Variants in RARB observed in about 807,000 individuals in gnomAD.
RARB encodes the protein HBV-activated protein.
Under a neutral mutation model 51.9 loss-of-function variants are expected in RARB, and 17 were observed. The ratio of observed to expected loss-of-function variants is 0.33; its 90% CI spans 0.22 to 0.49. The LOEUF (loss-of-function observed/expected upper bound fraction) is 0.49. Among genes scored for constraint, RARB ranks in the 20% least tolerant of loss-of-function variants. The pLI, the probability that RARB is intolerant of heterozygous loss-of-function variation, is 0.99. For synonymous variants in RARB, 215 were observed against 195.4 expected, an observed-to-expected ratio of 1.10 and a Z score of -0.84; for missense variants, 369 against 550.8, an observed-to-expected ratio of 0.67 and a Z score of 3.30.
At chr3:25,116,942 G>C (rs1699697118) in intron 3 of RARB, among the ~76,000 whole-genome samples, 1 of 152,110 alleles carries the variant, frequency 6.6e-6, no homozygotes, top group Non-Finnish European at 1.5e-5. Flanking sequence ...CAAGAAGTAA[G>C]CAAATATAAT....
intron 3 of RARB, among the ~76,000 whole-genome samples, chr3:25,073,467 G>T (rs1181607177): frequency 6.6e-6 from 1 of 152,194 alleles, no homozygotes; most frequent in African/African-American, 2.4e-5. Flanking sequence ...TTCCATGGTT[G>T]TAACAGTTTG....
At chr3:25,325,130 G>A (rs1198184338) in intron 5 of RARB, among the ~76,000 whole-genome samples, 1 of 152,112 alleles carries the variant, frequency 6.6e-6, no homozygotes, top group Non-Finnish European at 1.5e-5. Flanking sequence ...GAGTTTTCTG[G>A]GAAAGAGGCA....
chr3:25,585,844 C>T (rs142594608), intron 5 of RARB, among the ~76,000 whole-genome samples: 34 of 152,278 alleles, frequency 2.2e-4, no homozygotes, highest in Middle Eastern at 6.8e-3. Flanking sequence ...CCCCAGGTCG[C>T]GCAGCTAGTA....
chr3:24,862,749 A>C (rs888706790), intron 2 of RARB, among the ~76,000 whole-genome samples: 1 of 152,162 alleles, frequency 6.6e-6, no homozygotes, highest in Non-Finnish European at 1.5e-5. Context: ...ACTCTACTAA[A>C]CCTGAAGTAG....
chr3:24,937,724 C>T (rs973481453), intron 2 of RARB, among the ~76,000 whole-genome samples: 44 of 152,134 alleles, frequency 2.9e-4, no homozygotes, highest in Non-Finnish European at 5.3e-4. Flanking sequence ...CATCCTTATG[C>T]AGCAGAGGAC....
chr3:25,461,802 C>T lies in RARB; in HGVS notation c.306+461C>T, dbSNP rs539513569. Among the ~76,000 whole-genome samples, 11 of 152,216 alleles carry T rather than the reference C, an allele frequency of 7.2e-5. No individual in the cohort carries two copies. In the South Asian group the frequency reaches 8.3e-4, roughly 11 times the overall value. On this transcript the variant is annotated intron_variant, in intron 2 of 7. Coordinates refer to ENST00000330688, the MANE Select transcript of RARB (RefSeq NM_000965.5). ...CCCAGCTACTCAGGAGGCTGAGACA[C>T]GAGAATCACTTGAAACTGGGAAGCA...
At chr3:24,829,944 G>T (rs1702258096) in intron 1 of RARB, among the ~76,000 whole-genome samples, 1 of 152,210 alleles carries the variant, frequency 6.6e-6, no homozygotes, top group South Asian at 2.1e-4. Context: ...CGGGGTGTCG[G>T]ACCTCTGGGT....
At chr3:25,117,978 T>C (rs1013535509) in intron 3 of RARB, among the ~76,000 whole-genome samples, 5 of 152,140 alleles carry the variant, frequency 3.3e-5, no homozygotes, top group African/African-American at 7.2e-5. Flanking sequence ...TGAAGTCTTA[T>C]CTCCTTTGTA....
chr3:25,247,412 C>T (rs554020400), intron 5 of RARB, among the ~76,000 whole-genome samples: 1 of 152,266 alleles, frequency 6.6e-6, no homozygotes, highest in African/African-American at 2.4e-5. Flanking sequence ...TCCAAACGGC[C>T]ACCCAGTTTA....
chr3:24,865,950 C>T (rs1250779421), intron 2 of RARB, among the ~76,000 whole-genome samples: 2 of 151,964 alleles, frequency 1.3e-5, no homozygotes, highest in African/African-American at 4.8e-5. Flanking sequence ...CTGAATGTGC[C>T]ACACAAATAT....
chr3:25,198,604 T>C (rs1228057741), intron 5 of RARB, among the ~76,000 whole-genome samples: 4 of 151,770 alleles, frequency 2.6e-5, no homozygotes, highest in Non-Finnish European at 5.9e-5. Flanking sequence ...GGAGAAACTC[T>C]AATCTGATTT....
At chr3:25,338,096 AACACAC>A (rs10523484) in intron 5 of RARB, among the ~76,000 whole-genome samples, 3,986 of 143,936 alleles carry the variant, frequency 0.028, 83 homozygotes, top group African/African-American at 0.063. Flanking sequence ...CCAAACCCCC[AACACAC>A]ACACACACAC....
At chr3:25,091,814 G>A (rs143894501) in intron 3 of RARB, among the ~76,000 whole-genome samples, 3 of 152,260 alleles carry the variant, frequency 2.0e-5, no homozygotes, top group African/African-American at 7.2e-5. Context: ...TGGGGTTTAT[G>A]TTTCCCTCTG....
chr3:25,494,277 A>ACACACACACACACACACACACG (rs1360036900), intron 2 of RARB, among the ~76,000 whole-genome samples: 8 of 135,686 alleles, frequency 5.9e-5, no homozygotes, highest in African/African-American at 2.1e-4. Context: ...ACACACACAC[A>ACACACACACACACACACACACG]CATGCCATCA....
At chr3:24,944,323 T>C (rs938718348) in intron 2 of RARB, among the ~76,000 whole-genome samples, 3 of 152,348 alleles carry the variant, frequency 2.0e-5, no homozygotes, top group East Asian at 3.9e-4. Flanking sequence ...AGTCCAGTGC[T>C]TGACACATAA....
At chr3:25,183,293 A>G (rs1700901302) in intron 5 of RARB, among the ~76,000 whole-genome samples, 2 of 152,140 alleles carry the variant, frequency 1.3e-5, no homozygotes, top group African/African-American at 4.8e-5. Flanking sequence ...ATTACTGCAT[A>G]GCCAATCTGT....
chr3:25,569,325 G>GTGT (rs1013053695), intron 3 of RARB, among the ~76,000 whole-genome samples: 2 of 152,204 alleles, frequency 1.3e-5, no homozygotes, highest in Non-Finnish European at 2.9e-5. Context: ...ACACCAAAAT[G>GTGT]TGTAGCTAGG....
intron 5 of RARB, among the ~76,000 whole-genome samples, chr3:25,334,418 C>G (rs1166356995): frequency 6.6e-6 from 1 of 152,128 alleles, no homozygotes; most frequent in Non-Finnish European, 1.5e-5. Flanking sequence ...TCTGAGCAAA[C>G]TATTGCAAGG....
intron 2 of RARB, among the ~76,000 whole-genome samples, chr3:24,863,025 G>A (rs1007272432): frequency 1.3e-5 from 2 of 152,138 alleles, no homozygotes; most frequent in African/African-American, 2.4e-5. Context: ...GTGGGGAAAG[G>A]CACAGAGGCA....
Sources: allele counts gnomAD v4.1 joint callset (sites outside exome capture counted in the v4.1 genomes callset), GRCh38; gene constraint gnomAD v4.1.1; transcripts MANE v1.5; gene names NCBI Gene and HGNC (gene_info 2026-07-23, HGNC 2026-07-21).